The following CCDC85C variants were observed in gnomAD, a reference collection of about 807,000 sequenced individuals.
CCDC85C encodes coiled-coil domain-containing protein 85C.
CCDC85C carries 18 observed loss-of-function variants against 38.3 expected under a neutral mutation model. The ratio of observed to expected loss-of-function variants is 0.47; its 90% CI spans 0.33 to 0.70. CCDC85C has a LOEUF of 0.70. Among genes scored for constraint, CCDC85C ranks in the 30% least tolerant of loss-of-function variants. CCDC85C has a pLI of 0.03. For synonymous variants in CCDC85C, 264 were observed against 293.8 expected (o/e 0.90, Z 1.04); for missense variants, 566 against 621.2 (o/e 0.91, Z 0.94).
intron 1 of CCDC85C, among the ~76,000 whole-genome samples, chr14:99,557,318 G>A (rs954049351): frequency 6.6e-6 from 1 of 152,184 alleles, no homozygotes; most frequent in Non-Finnish European, 1.5e-5. Flanking sequence ...TCGTCTACCA[G>A]GTACAGCCCA....
At chr14:99,594,089 G>A (rs1192127790) in intron 1 of CCDC85C, among the ~76,000 whole-genome samples, 1 of 152,006 alleles carries the variant, frequency 6.6e-6, no homozygotes, top group Non-Finnish European at 1.5e-5. Context: ...AGAAAAGAAG[G>A]ACAGGTGGGC....
chr14:99,514,098 C>CTT lies in CCDC85C; in HGVS notation c.*1147_*1148insAA. On this transcript the variant is annotated 3_prime_UTR_variant, in exon 6 of 6. Coordinates refer to ENST00000380243, the MANE Select transcript of CCDC85C (RefSeq NM_001144995.2). ...CAGCTCCACCCGGCCCGCCCTCAGC[C>CTT]GTCGGCTGTTGGCTCACGCCCCCTC... The CTT allele has an allele frequency of 6.6e-6, 1 of 152,370 alleles. No homozygotes were observed. The highest frequency in any genetic ancestry group is 2.4e-5 in the African/African-American group (1 of 41,474). The allele number at this position is 152,370 out of a possible 1,614,324, so 9.4% of individuals were successfully genotyped here. A position where few individuals can be genotyped will look rare whatever the true frequency, so the allele number is the denominator to read the frequency against.
intron 1 of CCDC85C, among the ~76,000 whole-genome samples, chr14:99,593,129 GC>G (rs1443994244): frequency 6.6e-6 from 1 of 152,250 alleles, no homozygotes; most frequent in Non-Finnish European, 1.5e-5. Flanking sequence ...CCGGTGCCGT[GC>G]GCGGTGACAG....
In CCDC85C at chr14:99,507,188, G is replaced by A. The variant is rs780540514; in HGVS notation, c.*8058C>T. The A allele has an allele frequency of 1.6e-5, 19 of 1,196,696 alleles. No individual in the cohort carries two copies. The Admixed American group carries it at 1.8e-4, about 12-fold the overall frequency. The allele number at this position is 1,196,696 out of a possible 1,614,324, so 74.1% of individuals were successfully genotyped here. Reference sequence around the variant, plus strand: ...AGCAGCTTGGCCAGCTGTGCACATCGCCTCTGAATGTTGGACGCAGCAGGT... The same window carrying A: ...AGCAGCTTGGCCAGCTGTGCACATCACCTCTGAATGTTGGACGCAGCAGGT... On this transcript the variant is annotated 3_prime_UTR_variant, in exon 6 of 6. Transcript: ENST00000380243.
intron 1 of CCDC85C, among the ~76,000 whole-genome samples, chr14:99,595,454 C>T (rs1388009479): frequency 6.6e-6 from 1 of 152,136 alleles, no homozygotes; most frequent in African/African-American, 2.4e-5. Flanking sequence ...ACTATGTTGG[C>T]TAGGCTGGTC....
Position 99,502,350 on chromosome 14 carries a change from A to C in CCDC85C, c.*12896T>G. 6.2e-7 allele frequency: 1 copy of C among 1,613,780 alleles called. No homozygotes were observed. Among genetic ancestry groups the C allele is most frequent in the Non-Finnish European group, 8.5e-7 (1 of 1,179,822 alleles). On this transcript the variant is annotated 3_prime_UTR_variant, in exon 6 of 6. Coordinates refer to ENST00000380243, the MANE Select transcript of CCDC85C (RefSeq NM_001144995.2). ...AGGAGATGGTGGGAGCAGTTTGTTC[A>C]AGATGTCCCGGTCGACGTTTTGGAA... is the stretch of plus-strand genomic sequence containing the variant.
chr14:99,510,895 A>G lies in CCDC85C; in HGVS notation c.*4351T>C. The G allele has an allele frequency of 1.1e-6, 1 of 901,308 alleles. No homozygotes were observed. The highest frequency in any genetic ancestry group is 1.5e-6 in the Non-Finnish European group (1 of 668,344). 55.8% of individuals were successfully genotyped at this position (901,308 alleles called of 1,614,324 possible). Reference sequence around the variant, plus strand: ...TTGTATAATGCACGACAGTTGCAGTATGGGAAGAATGGACCGGGCCCCTGG... The same window carrying G: ...TTGTATAATGCACGACAGTTGCAGTGTGGGAAGAATGGACCGGGCCCCTGG... On this transcript the variant is annotated 3_prime_UTR_variant, in exon 6 of 6. Transcript: ENST00000380243.
Position 99,572,759 on chromosome 14 carries a change from G to C in CCDC85C, c.793+30408C>G. The C allele has an allele frequency of 2.2e-6, 1 of 456,072 alleles. No homozygotes were observed. The highest frequency in any genetic ancestry group is 1.5e-5 in the South Asian group (1 of 64,562). The allele number at this position is 456,072 out of a possible 1,614,324, so 28.3% of individuals were successfully genotyped here. The stretch of plus-strand genomic sequence containing the variant: ...GTCCCATCCATGGATTTGTTTGCCA[G>C]TTTATCCATCTTCCAAAGGAGACTT... On this transcript the variant is annotated intron_variant, in intron 1 of 5. Coordinates refer to ENST00000380243, the MANE Select transcript of CCDC85C (RefSeq NM_001144995.2). The surrounding 1 kb of genome is among the most constrained non-coding windows in gnomAD (Gnocchi z 4.4).
intron 1 of CCDC85C, among the ~76,000 whole-genome samples, chr14:99,536,709 G>T (rs1211404986): frequency 6.6e-6 from 1 of 152,204 alleles, no homozygotes. Flanking sequence ...GAACCCCGTG[G>T]AACACCCTGG....
At chr14:99,517,042 C>T (rs548752758) in intron 4 of CCDC85C, 46 bp downstream of exon 4, 2 of 1,505,722 alleles carry the variant, frequency 1.3e-6, no homozygotes, top group Admixed American at 2.0e-5. Context: ...TCTCACAGTG[C>T]ACCCAGCATC....
chr14:99,559,221 C>CCCA (rs1555370437), intron 1 of CCDC85C, among the ~76,000 whole-genome samples: 1 of 151,808 alleles, frequency 6.6e-6, no homozygotes, highest in Non-Finnish European at 1.5e-5. Flanking sequence ...GGAGTCCCCC[C>CCCA]GAGAGCCTCC....
intron 1 of CCDC85C, among the ~76,000 whole-genome samples, chr14:99,549,638 A>C (rs1897870843): frequency 6.6e-6 from 1 of 152,216 alleles, no homozygotes; most frequent in South Asian, 2.1e-4. Flanking sequence ...CCTGCGAGAC[A>C]CTGTCCCCGA....
Position 99,510,709 on chromosome 14 carries a change from C to A in CCDC85C, c.*4537G>T. On this transcript the variant is annotated 3_prime_UTR_variant, in exon 6 of 6. Transcript: ENST00000380243. ...GCCGTCCCCCCTGGAGGACAGCCTC[C>A]TGTGCCCCCGCCCATTCCCCCACCC... 1.4e-6 allele frequency: 2 copies of A among 1,399,204 alleles called. No homozygotes were observed. The highest frequency in any genetic ancestry group is 1.9e-6 in the Non-Finnish European group (2 of 1,075,252). The allele number at this position is 1,399,204 out of a possible 1,614,324, so 86.7% of individuals were successfully genotyped here.
At position 99,501,538 on chromosome 14, in the gene CCDC85C, G is replaced by C. The variant is rs1298295990; in HGVS notation, c.*13708C>G. 1 of 675,280 alleles carries C rather than the reference G, an allele frequency of 1.5e-6. No homozygotes were observed. The highest frequency in any genetic ancestry group is 1.8e-5 in the South Asian group (1 of 55,042). The allele number at this position is 675,280 out of a possible 1,614,324, so 41.8% of individuals were successfully genotyped here. The stretch of plus-strand genomic sequence containing the variant: ...TGACTTGCCCTGGCTTGAGGAGCCA[G>C]TTAATGGCAAAGCTGGGGCTGACGT... On this transcript the variant is annotated 3_prime_UTR_variant, in exon 6 of 6. Transcript: ENST00000380243.
In CCDC85C at chr14:99,514,199, T is replaced by C. The variant is rs908804449; in HGVS notation, c.*1047A>G. 7.2e-5 allele frequency: 11 copies of C among 152,396 alleles called. No individual in the cohort carries two copies. The highest frequency in any genetic ancestry group is 2.4e-4 in the African/African-American group (10 of 41,452). The allele number at this position is 152,396 out of a possible 1,614,324, so 9.4% of individuals were successfully genotyped here. A position where few individuals can be genotyped will look rare whatever the true frequency, so the allele number is the denominator to read the frequency against. On this transcript the variant is annotated 3_prime_UTR_variant, in exon 6 of 6. Coordinates refer to ENST00000380243, the MANE Select transcript of CCDC85C (RefSeq NM_001144995.2). The stretch of plus-strand genomic sequence containing the variant: ...GCCGAAAAGGAACCTCAGAGACCTG[T>C]TTCCACCAAGAGCCCAGACAGGCTG...
At position 99,603,492 on chromosome 14, in the gene CCDC85C, C is replaced by A; in HGVS notation, c.468G>T (p.Ala156=). The A allele has an allele frequency of 1.3e-5, 17 of 1,311,740 alleles. No individual in the cohort carries two copies. Among genetic ancestry groups the A allele is most frequent in the Non-Finnish European group, 1.6e-5 (17 of 1,038,192 alleles). 81.3% of individuals were successfully genotyped at this position (1,311,740 alleles called of 1,614,324 possible). ...ELVLLLDEER[A]ALAATGAASG... ...TTGCGGCCCCCGTCGCCGCCAGTGC[C>A]GCGCGCTCCTCGTCCAGCAGCAGCA... Residue 156 remains alanine, a synonymous_variant, in exon 1 of 6, where the codon GCG becomes GCT. Transcript: ENST00000380243. The surrounding 1 kb of genome is among the most constrained non-coding windows in gnomAD (Gnocchi z 7.5).
intron 1 of CCDC85C, among the ~76,000 whole-genome samples, chr14:99,587,476 T>G (rs2055039183): frequency 6.6e-6 from 1 of 152,192 alleles, no homozygotes; most frequent in Non-Finnish European, 1.5e-5. Flanking sequence ...TCTATCCCCC[T>G]ATGGGATGGC....
At position 99,503,127 on chromosome 14, in the gene CCDC85C, G is replaced by A. The variant is rs1003047065; in HGVS notation, c.*12119C>T. 6.5e-5 allele frequency: 62 copies of A among 957,634 alleles called. No homozygotes were observed. Among genetic ancestry groups the A allele is most frequent in the Middle Eastern group, 2.4e-4 (1 of 4,224 alleles). The allele number at this position is 957,634 out of a possible 1,614,324, so 59.3% of individuals were successfully genotyped here. The stretch of plus-strand genomic sequence containing the variant: ...GAAACTCGCAGTCCGACTGCTTGTC[G>A]GTGGGGAGCCTGAAAACAAAGGTGC... On this transcript the variant is annotated 3_prime_UTR_variant, in exon 6 of 6. Coordinates refer to ENST00000380243, the MANE Select transcript of CCDC85C (RefSeq NM_001144995.2).
chr14:99,506,991 A>G lies in CCDC85C; in HGVS notation c.*8255T>C, dbSNP rs147865856. 1.0e-3 allele frequency: 906 copies of G among 865,274 alleles called. 11 individuals are homozygous for G. Among genetic ancestry groups the G allele is most frequent in the East Asian group, 8.6e-3 (358 of 41,438 alleles). The allele number at this position is 865,274 out of a possible 1,614,324, so 53.6% of individuals were successfully genotyped here. On this transcript the variant is annotated 3_prime_UTR_variant, in exon 6 of 6. Coordinates refer to ENST00000380243, the MANE Select transcript of CCDC85C (RefSeq NM_001144995.2). ...TCTCTGTTGTTTTTCTCCCAAAGAA[A>G]TCTCTGCCAGTACATTTTTCTTTAT...
Sources: allele counts gnomAD v4.1 joint callset (sites outside exome capture counted in the v4.1 genomes callset), GRCh38; gene constraint gnomAD v4.1.1; non-coding constraint Gnocchi (gnomAD v3.1); transcripts MANE v1.5; gene names NCBI Gene and HGNC (gene_info 2026-07-23, HGNC 2026-07-21).